Variants in CPNE7 observed in about 807,000 individuals in gnomAD.
The protein encoded by CPNE7 is copine 7.
Under a neutral mutation model 66.5 loss-of-function variants are expected in CPNE7, and 78 were observed. That is an observed-to-expected ratio of 1.17 (90% confidence interval 0.98 to 1.42). The LOEUF (loss-of-function observed/expected upper bound fraction) is 1.42. Ranked by LOEUF, CPNE7 falls within the 40% of genes most tolerant of loss-of-function variation. The probability of loss-of-function intolerance (pLI) is 0.00; values close to 1 mark genes in which losing one functional copy is unlikely to be tolerated. For synonymous variants in CPNE7, 468 were observed against 336.7 expected, an observed-to-expected ratio of 1.39 and a Z score of -4.27; for missense variants, 1,012 against 776.6, an observed-to-expected ratio of 1.30 and a Z score of -3.60.
chr16:89,590,940 G>T, intron 11 of CPNE7, 67 bp from the exon 12 acceptor site: 3 of 1,582,610 alleles, frequency 1.9e-6, no homozygotes, highest in Non-Finnish European at 2.6e-6. Flanking sequence ...GCAGCTGACC[G>T]AGGGACATGG....
Position 89,587,025 on chromosome 16 carries a change from G to C in CPNE7, c.868-18G>C, listed in dbSNP as rs1227382937. ...AGTGTCCCTGGCGGGGGTGGACGCT[G>C]ACTCCGCCGGCCGGAAGTTCCACAG... On this transcript the variant is annotated intron_variant, in intron 8 of 14. Transcript: ENST00000319518. The C allele has an allele frequency of 6.4e-7, 1 of 1,571,832 alleles. No individual in the cohort carries two copies. Among genetic ancestry groups the C allele is most frequent in the East Asian group, 2.3e-5 (1 of 42,630 alleles).
chr16:89,590,910 G>A, intron 11 of CPNE7, 97 bp from the exon 12 acceptor site: 1 of 1,339,912 alleles, frequency 7.5e-7, no homozygotes, highest in East Asian at 2.5e-5. Flanking sequence ...TGGGGGACAT[G>A]GGGGCTGGGG....
intron 10 of CPNE7, 140 bp from the exon 11 acceptor site, chr16:89,589,757 C>A: frequency 1.2e-6 from 1 of 852,282 alleles, no homozygotes; most frequent in Non-Finnish European, 1.9e-6. Context: ...GGTTCCCCAC[C>A]TCTGGCAGGT....
In CPNE7 at chr16:89,596,745, C is replaced by T. The variant is rs902005015; in HGVS notation, c.*124C>T. 5 of 1,187,480 alleles carry T rather than the reference C, an allele frequency of 4.2e-6. No individual in the cohort carries two copies. In the African/African-American group the frequency reaches 4.8e-5, roughly 11 times the overall value. The allele number at this position is 1,187,480 out of a possible 1,614,324, so 73.6% of individuals were successfully genotyped here. A position where few individuals can be genotyped will look rare whatever the true frequency, so the allele number is the denominator to read the frequency against. ...GAAGCCTCCAGTCCCCACCAGGCCC[C>T]ACTCCCAGTCCTCCTGGGATCCTGC... On this transcript the variant is annotated 3_prime_UTR_variant, in exon 15 of 15. Coordinates refer to ENST00000319518, the MANE Select transcript of CPNE7 (RefSeq NM_153636.3).
At chr16:89,591,659 A>G (rs2059171810) in intron 13 of CPNE7, among the ~76,000 whole-genome samples, 1 of 151,974 alleles carries the variant, frequency 6.6e-6, no homozygotes, top group African/African-American at 2.4e-5. Context: ...GTGGCCCTGT[A>G]TGTGTCTCTG....
chr16:89,576,492 C>T (rs562174975), intron 1 of CPNE7, among the ~76,000 whole-genome samples: 2 of 152,092 alleles, frequency 1.3e-5, no homozygotes, highest in South Asian at 4.1e-4. Context: ...GGCGAGGGAG[C>T]GCGCGCTGGG....
intron 14 of CPNE7, 22 bp from the exon 15 acceptor site, chr16:89,596,462 A>G: frequency 6.3e-7 from 1 of 1,595,174 alleles, no homozygotes; most frequent in Non-Finnish European, 8.5e-7. Flanking sequence ...CCCAGAGGTA[A>G]CTGCGTTGTC....
intron 1 of CPNE7, 114 bp downstream of exon 1, chr16:89,576,185 C>T (rs2058856307): frequency 4.3e-6 from 4 of 927,012 alleles, no homozygotes; most frequent in East Asian, 3.4e-5. Flanking sequence ...GGCGGGGCCC[C>T]CCGGAGCTGG....
At position 89,595,553 on chromosome 16, in the gene CPNE7, C is replaced by G; in HGVS notation, c.1489C>G (p.Pro497Ala). Reference sequence around the variant, plus strand: ...CGTCCTGCGCTCCCCACGGGGTGAGCCCGCGCTCCGGGACATCGTACAGTT... The same window carrying G: ...CGTCCTGCGCTCCCCACGGGGTGAGGCCGCGCTCCGGGACATCGTACAGTT... ...DGVLRSPRGE[P>A]ALRDIVQFVP... Residue 497 changes from proline to alanine, a missense_variant, in exon 14 of 15, where the codon CCC becomes GCC. Physicochemically the swap from Pro to Ala is conservative, Grantham distance 27 (BLOSUM62 -1). Coordinates refer to ENST00000319518, the MANE Select transcript of CPNE7 (RefSeq NM_153636.3). The G allele has an allele frequency of 6.2e-7, 1 of 1,612,068 alleles. No homozygotes were observed. The highest frequency in any genetic ancestry group is 1.3e-5 in the African/African-American group (1 of 75,068).
chr16:89,586,082 C>T (rs1212826223), intron 7 of CPNE7, among the ~76,000 whole-genome samples: 2 of 110,498 alleles, frequency 1.8e-5, no homozygotes, highest in Non-Finnish European at 3.8e-5. Flanking sequence ...TGGGGAGGGG[C>T]AGGTGAGTCG....
At chr16:89,587,716 GCACCCC>G (rs2059081731) in intron 9 of CPNE7, 8 of 144,584 alleles carry the variant, frequency 5.5e-5, no homozygotes, top group South Asian at 1.4e-4. Flanking sequence ...CACCCCCATA[GCACCCC>G]CGTGTCACCC....
intron 2 of CPNE7, chr16:89,578,786 C>T (rs925514672): frequency 1.4e-6 from 2 of 1,449,134 alleles, no homozygotes; most frequent in African/African-American, 2.9e-5. Flanking sequence ...AAAGAAGCCT[C>T]CTTGTGAGCA....
intron 2 of CPNE7, among the ~76,000 whole-genome samples, chr16:89,581,427 C>T (rs2058957916): frequency 6.6e-6 from 1 of 152,230 alleles, no homozygotes; most frequent in South Asian, 2.1e-4. Context: ...CCTGGTTCGT[C>T]TCTTCTGGAA....
chr16:89,584,692 C>CT lies in CPNE7; in HGVS notation c.508-82_508-81insT. The stretch of plus-strand genomic sequence containing the variant: ...TTAGCGGCTGGTGGCATGAAGTGAG[C>CT]CCTGGGAAACGACAAAGCCAGCTCC... On this transcript the variant is annotated intron_variant, in intron 4 of 14. Transcript: ENST00000319518. This position sits in a 1 kb window ranked among gnomAD's most constrained non-coding sequence, Gnocchi z 6.0. The CT allele has an allele frequency of 9.8e-7, 1 of 1,020,540 alleles. No individual in the cohort carries two copies. 63.2% of individuals were successfully genotyped at this position (1,020,540 alleles called of 1,614,324 possible). A position where few individuals can be genotyped will look rare whatever the true frequency, so the allele number is the denominator to read the frequency against.
At position 89,576,986 on chromosome 16, in the gene CPNE7, C is replaced by G. The variant is rs114741300; in HGVS notation, c.175-553C>G. Among the ~76,000 whole-genome samples the G allele has an allele frequency of 4.1e-3, 622 of 152,308 alleles. 3 individuals are homozygous for G. The highest frequency in any genetic ancestry group is 0.014 in the African/African-American group (600 of 41,578). On this transcript the variant is annotated intron_variant, in intron 1 of 14. Coordinates refer to ENST00000319518, the MANE Select transcript of CPNE7 (RefSeq NM_153636.3). ...TCCCCACGGAGGCCTCGTGCCCGCA[C>G]CCTCAGAGCGTGAGCTGTACGGGTG... is the stretch of plus-strand genomic sequence containing the variant.
chr16:89,585,333 G>T, intron 5 of CPNE7, 131 bp from the exon 6 acceptor site: 1 of 666,224 alleles, frequency 1.5e-6, no homozygotes, highest in Middle Eastern at 4.1e-4. Flanking sequence ...GGGCCCCGGC[G>T]CTGTCTGGGG....
rs956734413 is a variant in CPNE7, at chr16:89,586,887, G to A, written c.867+131G>A. ...CACGTCTGGGGAGGGGCTGAGAGAC[G>A]GGGAAGGGCGAGGTTGGGGAGAGAG... On this transcript the variant is annotated intron_variant, in intron 8 of 14. Coordinates refer to ENST00000319518, the MANE Select transcript of CPNE7 (RefSeq NM_153636.3). The A allele has an allele frequency of 2.0e-4, 217 of 1,104,630 alleles. 1 individual carries two copies. The highest frequency in any genetic ancestry group is 3.2e-4 in the Admixed American group (16 of 50,282). The allele number at this position is 1,104,630 out of a possible 1,614,324, so 68.4% of individuals were successfully genotyped here.
At chr16:89,589,571 G>C (rs1313054304) in intron 10 of CPNE7, among the ~76,000 whole-genome samples, 2 of 152,218 alleles carry the variant, frequency 1.3e-5, no homozygotes, top group Non-Finnish European at 2.9e-5. Flanking sequence ...CTGGGTTGGT[G>C]AGGGCCACAG....
At chr16:89,578,607 A>G (rs1455534180) in intron 2 of CPNE7, among the ~76,000 whole-genome samples, 1 of 151,660 alleles carries the variant, frequency 6.6e-6, no homozygotes, top group Admixed American at 6.6e-5. Context: ...AAAAAGTACA[A>G]TAATTAGCCG....
Sources: allele counts gnomAD v4.1 joint callset (sites outside exome capture counted in the v4.1 genomes callset), GRCh38; gene constraint gnomAD v4.1.1; non-coding constraint Gnocchi (gnomAD v3.1); transcripts MANE v1.5; gene names NCBI Gene and HGNC (gene_info 2026-07-23, HGNC 2026-07-21).